The following PLCB1 variants were observed in gnomAD, a reference collection of about 807,000 sequenced individuals.
The protein encoded by PLCB1 is 1-phosphatidylinositol 4,5-bisphosphate phosphodiesterase beta-1.
PLCB1 carries 46 observed loss-of-function variants against 161.8 expected under a neutral mutation model. The observed-to-expected ratio is 0.28, with a 90% CI of 0.22 to 0.36. The LOEUF is 0.36. Ranked by LOEUF, PLCB1 falls within the 10% of genes least tolerant of loss-of-function variation. The pLI is 1.00. For synonymous variants in PLCB1, 517 were observed against 503.7 expected (o/e 1.03, Z -0.35); for missense variants, 1,016 against 1,472.5 (o/e 0.69, Z 5.07).
chr20:8,149,183 T>C (rs1294432257), intron 1 of PLCB1, among the ~76,000 whole-genome samples: 1 of 152,256 alleles, frequency 6.6e-6, no homozygotes, highest in Admixed American at 6.5e-5. Flanking sequence ...CATTTTTATG[T>C]GGCAAACATG....
At chr20:8,752,737 G>T (rs564206859) in intron 23 of PLCB1, among the ~76,000 whole-genome samples, 5 of 150,596 alleles carry the variant, frequency 3.3e-5, no homozygotes, top group African/African-American at 9.8e-5. Context: ...AGGTTGCAAT[G>T]AGCCAAAATT....
chr20:8,772,045 A>AGT (rs1485609972), intron 26 of PLCB1, among the ~76,000 whole-genome samples: 4 of 126,692 alleles, frequency 3.2e-5, no homozygotes, highest in African/African-American at 1.3e-4. Context: ...AGGCCCGGTT[A>AGT]ATTTTTTTTT....
chr20:8,365,432 G>A (rs1183773414), intron 2 of PLCB1, among the ~76,000 whole-genome samples: 1 of 152,136 alleles, frequency 6.6e-6, no homozygotes, highest in Non-Finnish European at 1.5e-5. Context: ...GGTCTCCACT[G>A]AAAGTTGTGG....
chr20:8,641,162 CT>C (rs1988943816), intron 4 of PLCB1, among the ~76,000 whole-genome samples: 1 of 152,184 alleles, frequency 6.6e-6, no homozygotes, highest in Non-Finnish European at 1.5e-5. Flanking sequence ...AGCTTCTGTA[CT>C]TTATTAATTG....
intron 23 of PLCB1, among the ~76,000 whole-genome samples, chr20:8,746,939 A>T (rs918327084): frequency 2.0e-5 from 3 of 152,150 alleles, no homozygotes; most frequent in African/African-American, 7.2e-5. Context: ...AGCATCTCTA[A>T]TAAGCCCCCA....
rs747641313 is a variant in PLCB1, at chr20:8,724,779, T to A, written c.1678+27T>A. The A allele has an allele frequency of 5.9e-5, 69 of 1,164,472 alleles. No homozygotes were observed. In the East Asian group the frequency reaches 1.5e-3, roughly 25 times the overall value. 72.1% of individuals were successfully genotyped at this position (1,164,472 alleles called of 1,614,324 possible). On this transcript the variant is annotated intron_variant, in intron 16 of 31. Coordinates refer to ENST00000338037, the MANE Select transcript of PLCB1 (RefSeq NM_015192.4). ...TAAGTTTTCCCTGGAGAAAAACCCCTCTTGCAGCATATAATGATTATATTT... is the reference window on the plus strand; with the variant it reads ...TAAGTTTTCCCTGGAGAAAAACCCCACTTGCAGCATATAATGATTATATTT...
At chr20:8,244,998 A>G (rs1198512341) in intron 2 of PLCB1, among the ~76,000 whole-genome samples, 1 of 151,878 alleles carries the variant, frequency 6.6e-6, no homozygotes, top group Non-Finnish European at 1.5e-5. Flanking sequence ...GGGATGTATG[A>G]CAAGTAATAT....
At chr20:8,613,462 G>A (rs1183425553) in intron 3 of PLCB1, among the ~76,000 whole-genome samples, 1 of 152,074 alleles carries the variant, frequency 6.6e-6, no homozygotes, top group South Asian at 2.1e-4. Context: ...AACTTACAAG[G>A]TACAAAATAT....
chr20:8,629,980 TTC>T (rs1988523163), intron 4 of PLCB1, among the ~76,000 whole-genome samples: 2 of 40,102 alleles, frequency 5.0e-5, no homozygotes, highest in East Asian at 8.2e-4. Context: ...CTTTCTTTCT[TTC>T]TTTCTTTCTT....
At chr20:8,629,812 C>CTTTCTTTTCTTTCT (rs1988475496) in intron 4 of PLCB1, among the ~76,000 whole-genome samples, 2 of 78,532 alleles carry the variant, frequency 2.5e-5, no homozygotes, top group African/African-American at 9.1e-5. Context: ...TCTTTCTTTT[C>CTTTCTTTTCTTTCT]TTTCTTTTCT....
At chr20:8,247,996 G>A (rs1467259694) in intron 2 of PLCB1, among the ~76,000 whole-genome samples, 1 of 151,918 alleles carries the variant, frequency 6.6e-6, no homozygotes, top group Non-Finnish European at 1.5e-5. Flanking sequence ...CTGACCAGCT[G>A]ATAAACTAGT....
At chr20:8,194,243 T>A (rs892344523) in intron 2 of PLCB1, among the ~76,000 whole-genome samples, 9 of 152,016 alleles carry the variant, frequency 5.9e-5, no homozygotes, top group Non-Finnish European at 1.0e-4. Context: ...TTGGGCCCTC[T>A]AAGCTTGTGA....
chr20:8,447,660 G>T (rs998592834), intron 3 of PLCB1, among the ~76,000 whole-genome samples: 4 of 152,156 alleles, frequency 2.6e-5, no homozygotes, highest in Admixed American at 6.5e-5. Flanking sequence ...AATATAATTT[G>T]GTCCAGTAGC....
At chr20:8,757,255 A>C (rs1981787163) in intron 24 of PLCB1, 77 bp downstream of exon 24, 1 of 1,436,328 alleles carries the variant, frequency 7.0e-7, no homozygotes, top group Non-Finnish European at 9.4e-7. Flanking sequence ...AGGCGCTGTG[A>C]TGTGGGTAGC....
intron 2 of PLCB1, among the ~76,000 whole-genome samples, chr20:8,294,543 T>C (rs1983538410): frequency 6.6e-6 from 1 of 151,750 alleles, no homozygotes; most frequent in Admixed American, 6.6e-5. Context: ...CATGCATGTA[T>C]ATGTGTGTAT....
At chr20:8,298,906 T>C (rs945308258) in intron 2 of PLCB1, among the ~76,000 whole-genome samples, 4 of 152,252 alleles carry the variant, frequency 2.6e-5, no homozygotes, top group East Asian at 1.9e-4. Flanking sequence ...AGCATCACTT[T>C]AACCATAAAC....
chr20:8,523,496 C>CTCTCTCTATATATATATATATATATA, intron 3 of PLCB1, among the ~76,000 whole-genome samples: 2 of 51,654 alleles, frequency 3.9e-5, no homozygotes, highest in African/African-American at 1.7e-4. Context: ...CTCTCTCTCT[C>CTCTCTCTATATATATATATATATATA]TATATATATA....
At chr20:8,413,994 C>T (rs1020756317) in intron 3 of PLCB1, among the ~76,000 whole-genome samples, 10 of 152,088 alleles carry the variant, frequency 6.6e-5, no homozygotes, top group South Asian at 6.2e-4. Flanking sequence ...CTCCTGACTT[C>T]CTGAAACTCT....
intron 3 of PLCB1, chr20:8,625,129 A>G (rs1988295809): frequency 1.3e-5 from 2 of 152,130 alleles, no homozygotes; most frequent in African/African-American, 4.8e-5. Flanking sequence ...ACAGCCACCC[A>G]TTTCCCAAGA....
Sources: allele counts gnomAD v4.1 joint callset (sites outside exome capture counted in the v4.1 genomes callset), GRCh38; gene constraint gnomAD v4.1.1; transcripts MANE v1.5; gene names NCBI Gene and HGNC (gene_info 2026-07-23, HGNC 2026-07-21).